DARS1: variants seen among roughly 807,000 people sequenced by gnomAD.
DARS1 encodes aspartate--tRNA ligase, cytoplasmic.
DARS1 carries 51 observed loss-of-function variants against 68.8 expected under a neutral mutation model. The observed-to-expected ratio is 0.74, with a 90% confidence interval of 0.59 to 0.94. The LOEUF (loss-of-function observed/expected upper bound fraction) is 0.94. Ranked by LOEUF, DARS1 falls within the 40% of genes least tolerant of loss-of-function variation. The pLI is 0.00. For missense variants in DARS1, 607 were observed against 597.3 expected (o/e 1.02, Z -0.17); for synonymous variants, 203 against 190.4 (o/e 1.07, Z -0.55).
At position 135,943,375 on chromosome 2, in the gene DARS1, T is replaced by C; in HGVS notation, c.423+3A>G. ...TGCGATTTTATATTTTGAAAAAACT[T>C]ACCTTCTGAACATGTAACTCAACGT... is the stretch of plus-strand genomic sequence containing the variant. On this transcript the variant is annotated splice_donor_region_variant and intron_variant, in intron 5 of 15. Coordinates refer to ENST00000264161, the MANE Select transcript of DARS1 (RefSeq NM_001349.4). 6.2e-7 allele frequency: 1 copy of C among 1,605,916 alleles called. No homozygotes were observed. The highest frequency in any genetic ancestry group is 8.5e-7 in the Non-Finnish European group (1 of 1,177,322).
At chr2:135,980,724 C>T (rs1020577714) in intron 2 of DARS1, among the ~76,000 whole-genome samples, 1 of 152,112 alleles carries the variant, frequency 6.6e-6, no homozygotes, top group African/African-American at 2.4e-5. Flanking sequence ...TTTGAAAATG[C>T]CAAGACTGAA....
At chr2:135,939,145 T>C (rs1374303988) in intron 5 of DARS1, among the ~76,000 whole-genome samples, 1 of 152,230 alleles carries the variant, frequency 6.6e-6, no homozygotes, top group Non-Finnish European at 1.5e-5. Flanking sequence ...AACTCAGCTC[T>C]GCACCAAGCG....
rs145062458 is a variant in DARS1 at position 135,944,651 on chromosome 2, C to G, written c.321-1171G>C. Among the ~76,000 whole-genome samples the G allele has an allele frequency of 2.0e-5, 3 of 151,974 alleles. No homozygotes were observed. The East Asian group carries it at 5.8e-4, about 29-fold the overall frequency. On this transcript the variant is annotated intron_variant, in intron 4 of 15. Coordinates refer to ENST00000264161, the MANE Select transcript of DARS1 (RefSeq NM_001349.4). ...CTGCACTGGGGCTATCACCTAATACCTAGCTAAAATCTTGACTACTGAAGA... is the reference window on the plus strand; with the variant it reads ...CTGCACTGGGGCTATCACCTAATACGTAGCTAAAATCTTGACTACTGAAGA...
chr2:135,943,405 C>T lies in DARS1; in HGVS notation c.396G>A (p.Gln132=). 6.2e-7 allele frequency: 1 copy of T among 1,613,494 alleles called. No homozygotes were observed. Among genetic ancestry groups the T allele is most frequent in the South Asian group, 1.1e-5 (1 of 91,044 alleles). Residue 132 remains glutamine (Q), a synonymous_variant, in exon 5 of 16, where the codon CAG becomes CAA. Coordinates refer to ENST00000264161, the MANE Select transcript of DARS1 (RefSeq NM_001349.4). ...TCTGAACATGTAACTCAACGTCTTG[C>T]TGTGTACAGCTTCCAATTTTCTGAT... ...KVNQKIGSCT[Q]QDVELHVQKI... is the part of the protein sequence containing the mutation.
At chr2:135,922,730 A>T (rs1681129297) in intron 9 of DARS1, 54 bp downstream of exon 9, 1 of 1,458,336 alleles carries the variant, frequency 6.9e-7, no homozygotes, top group African/African-American at 1.5e-5. Flanking sequence ...TTCTAAAATT[A>T]TAACTGCTGT....
At position 135,985,541 on chromosome 2, in the gene DARS1, C is replaced by T. The variant is rs1320895992; in HGVS notation, c.-73G>A. 6.2e-7 allele frequency: 1 copy of T among 1,609,400 alleles called. No individual in the cohort carries two copies. The highest frequency in any genetic ancestry group is 1.1e-5 in the South Asian group (1 of 90,134). On this transcript the variant is annotated 5_prime_UTR_variant, in exon 1 of 16. Coordinates refer to ENST00000264161, the MANE Select transcript of DARS1 (RefSeq NM_001349.4). ...CGTAAGGCAGGCCAAAGGGGCTTCTCCCTCCCTCCCAGTCTCCGCCCTCCC... is the reference window on the plus strand; with the variant it reads ...CGTAAGGCAGGCCAAAGGGGCTTCTTCCTCCCTCCCAGTCTCCGCCCTCCC...
chr2:135,917,024 T>C (rs963064551), intron 10 of DARS1, among the ~76,000 whole-genome samples: 4 of 152,040 alleles, frequency 2.6e-5, no homozygotes, highest in Admixed American at 6.6e-5. Context: ...CCATCTCTAC[T>C]AAAACTACAA....
At chr2:135,944,328 G>A (rs1274122831) in intron 4 of DARS1, among the ~76,000 whole-genome samples, 1 of 152,114 alleles carries the variant, frequency 6.6e-6, no homozygotes. Context: ...TGATGAAAAG[G>A]ATAAGATTTA....
At chr2:135,961,216 G>A (rs1349176667) in intron 4 of DARS1, among the ~76,000 whole-genome samples, 180 bp downstream of exon 4, 1 of 152,172 alleles carries the variant, frequency 6.6e-6, no homozygotes, top group African/African-American at 2.4e-5. Flanking sequence ...TCAAGCCTGT[G>A]CTCCATATTT....
At chr2:135,934,172 G>A (rs1434012171) in intron 5 of DARS1, among the ~76,000 whole-genome samples, 182 bp from the exon 6 acceptor site, 1 of 152,160 alleles carries the variant, frequency 6.6e-6, no homozygotes, top group Non-Finnish European at 1.5e-5. Flanking sequence ...TGTTTAAAAT[G>A]GGGATAATAA....
At chr2:135,977,988 C>A (rs374230592) in intron 3 of DARS1, among the ~76,000 whole-genome samples, 1 of 151,392 alleles carries the variant, frequency 6.6e-6, no homozygotes, top group East Asian at 1.9e-4. Context: ...ACTAAAAATG[C>A]AAAACTTTGC....
chr2:135,946,184 A>C (rs1238478749), intron 4 of DARS1, among the ~76,000 whole-genome samples: 2 of 152,214 alleles, frequency 1.3e-5, no homozygotes, highest in Non-Finnish European at 2.9e-5. Context: ...GAAGAATAAA[A>C]TTCTACTGAC....
chr2:135,908,801 T>A (rs907659817), intron 15 of DARS1, among the ~76,000 whole-genome samples: 1 of 152,186 alleles, frequency 6.6e-6, no homozygotes, highest in Non-Finnish European at 1.5e-5. Flanking sequence ...TTAAGTTCCT[T>A]GTGGATTCTG....
chr2:135,975,218 G>A (rs1444518682), intron 3 of DARS1, among the ~76,000 whole-genome samples: 3 of 151,952 alleles, frequency 2.0e-5, no homozygotes, highest in African/African-American at 4.8e-5. Flanking sequence ...GGTGGCAGGT[G>A]TCTGTAGTCC....
At chr2:135,920,090 C>T (rs1213860611) in intron 10 of DARS1, among the ~76,000 whole-genome samples, 2 of 152,196 alleles carry the variant, frequency 1.3e-5, no homozygotes, top group Non-Finnish European at 2.9e-5. Context: ...CTCTTACACA[C>T]TACCCTCATA....
chr2:135,962,051 G>T (rs1472083362), intron 3 of DARS1, among the ~76,000 whole-genome samples: 1 of 152,032 alleles, frequency 6.6e-6, no homozygotes, highest in African/African-American at 2.4e-5. Flanking sequence ...CATGTTCTAC[G>T]TTCTTCATTT....
chr2:135,917,804 C>T (rs928366357), intron 10 of DARS1, among the ~76,000 whole-genome samples: 4 of 152,146 alleles, frequency 2.6e-5, no homozygotes, highest in African/African-American at 9.7e-5. Context: ...AATTAAAACA[C>T]TATCATTTCT....
chr2:135,962,054 C>T (rs1213794383), intron 3 of DARS1, among the ~76,000 whole-genome samples: 1 of 152,124 alleles, frequency 6.6e-6, no homozygotes, highest in Admixed American at 6.5e-5. Context: ...GTTCTACGTT[C>T]TTCATTTTTC....
At chr2:135,949,558 C>T (rs1681800319) in intron 4 of DARS1, among the ~76,000 whole-genome samples, 1 of 152,178 alleles carries the variant, frequency 6.6e-6, no homozygotes, top group Non-Finnish European at 1.5e-5. Context: ...AGACAAATTT[C>T]ATTTAAAAAC....
Sources: allele counts gnomAD v4.1 joint callset (sites outside exome capture counted in the v4.1 genomes callset), GRCh38; gene constraint gnomAD v4.1.1; transcripts MANE v1.5; gene names NCBI Gene and HGNC (gene_info 2026-07-23, HGNC 2026-07-21).